RSPH1: variants seen among roughly 807,000 people sequenced by gnomAD.
RSPH1 encodes the protein radial spoke head component 1.
In RSPH1, 32 loss-of-function variants were observed where a neutral mutation model predicts 44.2. The observed-to-expected ratio is 0.72, with a 90% confidence interval of 0.55 to 0.97. RSPH1 has a LOEUF of 0.97. Among genes scored for constraint, RSPH1 ranks in the 50% least tolerant of loss-of-function variants. The probability of loss-of-function intolerance (pLI) is 0.00; values close to 1 mark genes in which losing one functional copy is unlikely to be tolerated. For synonymous variants in RSPH1, 134 were observed against 147.3 expected, an observed-to-expected ratio of 0.91 and a Z score of 0.65; for missense variants, 391 against 398.7, an observed-to-expected ratio of 0.98 and a Z score of 0.16.
chr21:42,478,238 C>CTCCCAAAGTGCTGGGATT (rs2054090862), intron 6 of RSPH1, among the ~76,000 whole-genome samples: 1 of 152,256 alleles, frequency 6.6e-6, no homozygotes, highest in Non-Finnish European at 1.5e-5. Context: ...ACTTCGCTGC[C>CTCCCAAAGTGCTGGGATT]ACATAGGTGA....
At chr21:42,489,078 C>T (rs939731605) in intron 3 of RSPH1, among the ~76,000 whole-genome samples, 3 of 125,782 alleles carry the variant, frequency 2.4e-5, no homozygotes, top group African/African-American at 6.1e-5. Context: ...GTTGGCTAAC[C>T]GATTGGTTGG....
At chr21:42,489,049 C>CTGGT (rs1206766703) in intron 3 of RSPH1, among the ~76,000 whole-genome samples, 5 of 147,780 alleles carry the variant, frequency 3.4e-5, no homozygotes, top group Non-Finnish European at 7.5e-5. Context: ...GGTTGGTTGG[C>CTGGT]TGGTTGGCTG....
intron 3 of RSPH1, among the ~76,000 whole-genome samples, chr21:42,486,719 C>T (rs755022552): frequency 2.0e-5 from 3 of 152,140 alleles, no homozygotes; most frequent in African/African-American, 7.2e-5. Context: ...TGCTGAGCCA[C>T]GGTGGACAGT....
intron 4 of RSPH1, chr21:42,486,010 C>T (rs533340325): frequency 3.0e-4 from 194 of 645,532 alleles, no homozygotes; most frequent in Non-Finnish European, 4.4e-4. Context: ...AGAGGACAGG[C>T]CAGCTGGACA....
intron 4 of RSPH1, 110 bp from the exon 5 acceptor site, chr21:42,485,914 C>G: frequency 1.5e-6 from 2 of 1,355,066 alleles, no homozygotes; most frequent in Non-Finnish European, 2.1e-6. Context: ...TGCAGGCTCA[C>G]AAGCGATGTA....
Position 42,482,713 on chromosome 21 carries a change from G to A in RSPH1, c.502-5C>T, listed in dbSNP as rs761186522. On this transcript the variant is annotated splice_region_variant and splice_polypyrimidine_tract_variant and intron_variant, in intron 5 of 8. Transcript: ENST00000291536. ...ATACTTTCCAGGGCCAACAGGCTAC[G>A]AGCAAAGAGAAACCATTCTTAAGTG... 28 of 1,608,950 alleles carry A rather than the reference G, an allele frequency of 1.7e-5. No homozygotes were observed. In the South Asian group the frequency reaches 2.0e-4, roughly 11 times the overall value.
intron 3 of RSPH1, 82 bp downstream of exon 3, chr21:42,492,676 T>G (rs1223530242): frequency 1.3e-6 from 1 of 778,344 alleles, no homozygotes; most frequent in Non-Finnish European, 2.2e-6. Flanking sequence ...TTCTCATACA[T>G]GTCAGTATTC....
At chr21:42,476,998 CACAGCCCGGGGG>C (rs879705562) in intron 7 of RSPH1, among the ~76,000 whole-genome samples, 42,810 of 101,336 alleles carry the variant, frequency 0.42, 9,768 homozygotes, top group Admixed American at 0.5. Context: ...CCCTCTGTCC[CACAGCCCGGGGG>C]ATGCCCCACA....
intron 5 of RSPH1, among the ~76,000 whole-genome samples, chr21:42,484,118 A>C (rs1183309835): frequency 6.6e-6 from 1 of 152,248 alleles, no homozygotes; most frequent in Non-Finnish European, 1.5e-5. Context: ...AGCAATAAAC[A>C]TGTGACAAGA....
chr21:42,482,530 A>C, intron 6 of RSPH1, 107 bp downstream of exon 6: 1 of 720,928 alleles, frequency 1.4e-6, no homozygotes, highest in Non-Finnish European at 2.4e-6. Flanking sequence ...AGTGCCTAAG[A>C]GTTGGCATAA....
At chr21:42,496,095 C>T (rs762102644) in intron 1 of RSPH1, 38 bp downstream of exon 1, 6 of 1,611,794 alleles carry the variant, frequency 3.7e-6, no homozygotes, top group Non-Finnish European at 5.1e-6. Context: ...CCCGCCGCTG[C>T]GCACCCTGGG....
At chr21:42,482,567 G>A in intron 6 of RSPH1, 70 bp downstream of exon 6, 1 of 1,142,284 alleles carries the variant, frequency 8.8e-7, no homozygotes. Flanking sequence ...CTCCAACCTT[G>A]CAGGATCAAT....
chr21:42,487,825 T>C (rs2146657690), intron 3 of RSPH1, among the ~76,000 whole-genome samples: 1 of 152,370 alleles, frequency 6.6e-6, no homozygotes. Flanking sequence ...CCAAAATTTA[T>C]CTGCAGAAGG....
chr21:42,481,157 T>C lies in RSPH1; in HGVS notation c.573+1480A>G, dbSNP rs186954052. ...TGGTTTGGTGCCTTCCCTGTGGTGA[T>C]GAGTGAGTTCTTGCTCTATTAGTTC... On this transcript the variant is annotated intron_variant, in intron 6 of 8. Coordinates refer to ENST00000291536, the MANE Select transcript of RSPH1 (RefSeq NM_080860.4). Among the ~76,000 whole-genome samples, 148 of 152,194 alleles carry C rather than the reference T, an allele frequency of 9.7e-4. 1 individual carries two copies. The highest frequency in any genetic ancestry group is 2.7e-3 in the South Asian group (13 of 4,820).
At chr21:42,478,141 T>C (rs1030270503) in intron 6 of RSPH1, among the ~76,000 whole-genome samples, 18 of 152,350 alleles carry the variant, frequency 1.2e-4, no homozygotes, top group Admixed American at 3.3e-4. Context: ...CATGTGCCAA[T>C]TTTGCCAAGC....
chr21:42,492,857 A>T lies in RSPH1; in HGVS notation c.175T>A (p.Tyr59Asn). 1 of 1,610,142 alleles carries T rather than the reference A, an allele frequency of 6.2e-7. No homozygotes were observed. The change falls in exon 3 of 9, where the codon TAC (tyrosine) becomes AAC (asparagine). Residue 59 changes from tyrosine to asparagine, a missense_variant. By Grantham distance (143) the Tyr-to-Asn change is moderately radical (BLOSUM62 -2). Coordinates refer to ENST00000291536, the MANE Select transcript of RSPH1 (RefSeq NM_080860.4). ...EFGKRHGQGI[Y>N]KFKNGARYIG... is the part of the protein sequence containing the mutation. ...TATCGAGCACCATTTTTAAATTTGTAGATCCCCTGAAACACATTGATTATA... is the reference window on the plus strand; with the variant it reads ...TATCGAGCACCATTTTTAAATTTGTTGATCCCCTGAAACACATTGATTATA...
At chr21:42,482,994 A>C (rs952045911) in intron 5 of RSPH1, among the ~76,000 whole-genome samples, 5 of 152,198 alleles carry the variant, frequency 3.3e-5, no homozygotes, top group Non-Finnish European at 7.3e-5. Context: ...CTACCGATGG[A>C]ACTACTACTA....
In RSPH1 at chr21:42,477,365, G is replaced by A. The variant is rs373119665; in HGVS notation, c.653C>T (p.Ala218Val). Reference sequence around the variant, plus strand: ...TTTGGGGAGAGTTGGTGTCCACAGGGCCAATTCAGTGATTTGGGTAGCTTT... The same window carrying A: ...TTTGGGGAGAGTTGGTGTCCACAGGACCAATTCAGTGATTTGGGTAGCTTT... ...KWKATQITEL[A>V]LWTPTLPKKP... Residue 218 changes from alanine to valine, a missense_variant, in exon 7 of 9, where the codon GCC becomes GTC. By Grantham distance (64) the Ala-to-Val change is moderately conservative. Transcript: ENST00000291536. The A allele has an allele frequency of 6.6e-5, 106 of 1,610,104 alleles. No individual in the cohort carries two copies. The highest frequency in any genetic ancestry group is 3.2e-4 in the African/African-American group (24 of 73,862).
intron 6 of RSPH1, among the ~76,000 whole-genome samples, chr21:42,478,165 T>C (rs2054089579): frequency 6.6e-6 from 1 of 152,262 alleles, no homozygotes; most frequent in African/African-American, 2.4e-5. Flanking sequence ...TTTGCCTACT[T>C]CTCAGTTTTG....
Sources: allele counts gnomAD v4.1 joint callset (sites outside exome capture counted in the v4.1 genomes callset), GRCh38; gene constraint gnomAD v4.1.1; transcripts MANE v1.5; gene names NCBI Gene and HGNC (gene_info 2026-07-23, HGNC 2026-07-21).